Variants in PTPRT observed in about 807,000 individuals in gnomAD.
PTPRT encodes receptor-type tyrosine-protein phosphatase T.
In PTPRT, 56 loss-of-function variants were observed where a neutral mutation model predicts 176.8. That is an observed-to-expected ratio of 0.32 (90% CI 0.26 to 0.40). PTPRT has a LOEUF of 0.40. Ranked by LOEUF, PTPRT falls within the 10% of genes least tolerant of loss-of-function variation. The pLI, the probability that PTPRT is intolerant of heterozygous loss-of-function variation, is 1.00. For synonymous variants in PTPRT, 783 were observed against 739.0 expected (o/e 1.06, Z -0.96); for missense variants, 1,540 against 1,908.2 (o/e 0.81, Z 3.60).
intron 1 of PTPRT, among the ~76,000 whole-genome samples, chr20:43,041,600 C>T (rs1433311730): frequency 6.6e-6 from 1 of 152,146 alleles, no homozygotes. Context: ...CTTAGATCAT[C>T]GTACAAGGGC....
intron 7 of PTPRT, among the ~76,000 whole-genome samples, chr20:42,581,291 C>G (rs941661753): frequency 3.3e-5 from 5 of 152,210 alleles, no homozygotes; most frequent in African/African-American, 1.2e-4. Flanking sequence ...GCAAGAATTT[C>G]CAATCTGCAT....
chr20:42,094,365 T>C (rs966947745), intron 27 of PTPRT, among the ~76,000 whole-genome samples: 8 of 151,980 alleles, frequency 5.3e-5, no homozygotes, highest in African/African-American at 1.2e-4. Flanking sequence ...TTATTTTTTA[T>C]AGTTATCTCA....
intron 7 of PTPRT, among the ~76,000 whole-genome samples, chr20:42,496,828 A>C (rs1444131910): frequency 6.6e-6 from 1 of 152,108 alleles, no homozygotes; most frequent in Non-Finnish European, 1.5e-5. Flanking sequence ...TAATCCTTTC[A>C]GACTTTCATG....
At chr20:43,070,417 T>C (rs998654583) in intron 1 of PTPRT, among the ~76,000 whole-genome samples, 6 of 152,180 alleles carry the variant, frequency 3.9e-5, no homozygotes, top group African/African-American at 1.4e-4. Context: ...GACACTGTGG[T>C]GATTCCTCAG....
chr20:42,175,828 A>C (rs926553428), intron 16 of PTPRT, among the ~76,000 whole-genome samples: 4 of 152,290 alleles, frequency 2.6e-5, no homozygotes, highest in African/African-American at 9.6e-5. Context: ...GAAGATAGGT[A>C]ATAAAATAAA....
intron 16 of PTPRT, among the ~76,000 whole-genome samples, chr20:42,185,170 C>A (rs570445183): frequency 7.9e-5 from 12 of 152,284 alleles, no homozygotes; most frequent in African/African-American, 2.9e-4. Context: ...ACCCATGTAA[C>A]AGGTGCCCAT....
chr20:42,239,484 G>C (rs543062793), intron 14 of PTPRT, among the ~76,000 whole-genome samples: 2 of 139,880 alleles, frequency 1.4e-5, no homozygotes, highest in African/African-American at 2.7e-5. Context: ...GCAGTGGCGC[G>C]TGATCTCGGC....
intron 7 of PTPRT, among the ~76,000 whole-genome samples, chr20:42,575,713 G>T (rs897471654): frequency 6.6e-6 from 1 of 152,132 alleles, no homozygotes; most frequent in Non-Finnish European, 1.5e-5. Context: ...CACATTTGAT[G>T]CATAGAAAAC....
intron 5 of PTPRT, among the ~76,000 whole-genome samples, chr20:42,764,568 G>A (rs1010565291): frequency 6.6e-6 from 1 of 152,146 alleles, no homozygotes; most frequent in African/African-American, 2.4e-5. Context: ...CCATGAGGTA[G>A]GCATGGAAGA....
At chr20:42,479,492 T>G (rs1349842902) in intron 7 of PTPRT, among the ~76,000 whole-genome samples, 2 of 152,168 alleles carry the variant, frequency 1.3e-5, no homozygotes, top group Admixed American at 1.3e-4. Flanking sequence ...ACTTTCTGCA[T>G]GGAAATGATA....
chr20:42,894,372 A>G (rs1208246673), intron 1 of PTPRT, among the ~76,000 whole-genome samples: 4 of 152,174 alleles, frequency 2.6e-5, no homozygotes, highest in African/African-American at 9.7e-5. Flanking sequence ...TCCCAACTAG[A>G]TCTGAGAGAT....
chr20:42,988,261 A>C (rs1193152354), intron 1 of PTPRT, among the ~76,000 whole-genome samples: 1 of 152,166 alleles, frequency 6.6e-6, no homozygotes, highest in Admixed American at 6.5e-5. Context: ...GAGGGGCCTC[A>C]CTTTCCTTGT....
intron 1 of PTPRT, among the ~76,000 whole-genome samples, chr20:43,174,045 G>C (rs1392134734): frequency 1.3e-5 from 2 of 152,200 alleles, no homozygotes; most frequent in Non-Finnish European, 2.9e-5. Flanking sequence ...TGCAGTCTTA[G>C]AATTTCCCCA....
intron 6 of PTPRT, among the ~76,000 whole-genome samples, chr20:42,699,029 A>G (rs2075930860): frequency 6.6e-6 from 1 of 152,216 alleles, no homozygotes; most frequent in African/African-American, 2.4e-5. Flanking sequence ...TTGGCAATGA[A>G]GAGGAGAGAC....
intron 1 of PTPRT, among the ~76,000 whole-genome samples, chr20:42,986,665 A>G (rs1983595699): frequency 6.6e-6 from 1 of 152,208 alleles, no homozygotes; most frequent in South Asian, 2.1e-4. Context: ...CCATTCTTCC[A>G]TGCGTCACTC....
chr20:42,800,026 TTTATC>T (rs1391424307), intron 2 of PTPRT, among the ~76,000 whole-genome samples: 1 of 152,204 alleles, frequency 6.6e-6, no homozygotes, highest in African/African-American at 2.4e-5. Flanking sequence ...TGAGAATTTA[TTTATC>T]TTCTCAGTCA....
At position 43,184,380 on chromosome 20, in the gene PTPRT, C is replaced by CA. The variant is rs2015338064; in HGVS notation, c.88+5265dup. 5.9e-5 allele frequency among the ~76,000 whole-genome samples: 9 copies of CA among 152,182 alleles called. No individual in the cohort carries two copies. In the South Asian group the frequency reaches 1.9e-3, roughly 32 times the overall value. On this transcript the variant is annotated intron_variant, in intron 1 of 30. Transcript: ENST00000373187. ...GAAGGACTAACTGAAATAATGCTCA[C>CA]ATTTGAAGATAAAATAGGCCCTAAT...
In PTPRT at chr20:42,182,877, G is replaced by A. The variant is rs569238280; in HGVS notation, c.2491+16363C>T. Among the ~76,000 whole-genome samples the A allele has an allele frequency of 8.6e-5, 13 of 151,122 alleles. No homozygotes were observed. In the East Asian group the frequency reaches 2.4e-3, roughly 28 times the overall value. ...ACAGAGAGTTGGCCATACCCGTTGG[G>A]TTGTAGTGACTGTTAATCCTACAAG... On this transcript the variant is annotated intron_variant, in intron 16 of 30. Coordinates refer to ENST00000373187, the MANE Select transcript of PTPRT (RefSeq NM_007050.6).
Position 43,064,853 on chromosome 20 carries a change from G to A in PTPRT, c.88+124793C>T, listed in dbSNP as rs118172132. Among the ~76,000 whole-genome samples, 817 of 152,306 alleles carry A rather than the reference G, an allele frequency of 5.4e-3. 13 individuals are homozygous for A. The South Asian group carries it at 0.065, about 12-fold the overall frequency. On this transcript the variant is annotated intron_variant, in intron 1 of 30. Coordinates refer to ENST00000373187, the MANE Select transcript of PTPRT (RefSeq NM_007050.6). ...GGAAAGTGTCAAGATCCAACAGGCC[G>A]ATAAATCCCAACCCTTGGTTGAGAA...
Sources: allele counts gnomAD v4.1 joint callset (sites outside exome capture counted in the v4.1 genomes callset), GRCh38; gene constraint gnomAD v4.1.1; transcripts MANE v1.5; gene names NCBI Gene and HGNC (gene_info 2026-07-23, HGNC 2026-07-21).